Variants in WASHC2C observed in about 807,000 individuals in gnomAD.
WASHC2C encodes the protein WASH complex subunit 2C, also known as Vaccinia Penetration Factor.
Under a neutral mutation model 142.2 loss-of-function variants are expected in WASHC2C, and 73 were observed. The observed-to-expected ratio is 0.51, with a 90% CI of 0.43 to 0.62. WASHC2C has a LOEUF of 0.62. WASHC2C is among the 20% of genes least tolerant of loss of function. WASHC2C has a pLI of 0.00. For synonymous variants in WASHC2C, 337 were observed against 565.5 expected (o/e 0.60, Z 5.73); for missense variants, 969 against 1,531.7 (o/e 0.63, Z 6.13).
chr10:45,739,715 G>C lies in WASHC2C; in HGVS notation c.355-358G>C, dbSNP rs1383693011. 2.0e-5 allele frequency among the ~76,000 whole-genome samples: 3 copies of C among 152,038 alleles called. No homozygotes were observed. In the East Asian group the frequency reaches 5.8e-4, roughly 29 times the overall value. On this transcript the variant is annotated intron_variant, in intron 4 of 30. Transcript: ENST00000623400. ...TACCCAAGGGATAACCAGGGCTCGT[G>C]GGATAGTCATGGTGAGTCTGAGAGT...
At position 45,754,428 on chromosome 10, in the gene WASHC2C, A is replaced by G. The variant is rs561472050; in HGVS notation, c.1181-58A>G. On this transcript the variant is annotated intron_variant, in intron 13 of 30. Transcript: ENST00000623400. ...TACATTGCACGTATTTCAGGAAGAA[A>G]ATAGCAAGGAAAGTTATTTCCCTTG... 3.1e-6 allele frequency: 5 copies of G among 1,602,608 alleles called. No individual in the cohort carries two copies. In the East Asian group the frequency reaches 9.0e-5, roughly 29 times the overall value.
intron 21 of WASHC2C, among the ~76,000 whole-genome samples, 187 bp downstream of exon 21, chr10:45,773,545 C>T (rs1452507810): frequency 6.6e-6 from 1 of 152,294 alleles, no homozygotes; most frequent in East Asian, 1.9e-4. Context: ...ACGTGCAAAG[C>T]CATCATTCAG....
chr10:45,770,199 C>G (rs1406887630), intron 20 of WASHC2C, among the ~76,000 whole-genome samples: 78 of 150,004 alleles, frequency 5.2e-4, no homozygotes, highest in Non-Finnish European at 8.4e-4. Context: ...TGAGATGGCA[C>G]CACTGCACTC....
intron 21 of WASHC2C, among the ~76,000 whole-genome samples, chr10:45,775,214 C>T (rs2596948): frequency 1.3e-5 from 2 of 149,174 alleles, no homozygotes; most frequent in African/African-American, 5.0e-5. Context: ...TGACCAGGCA[C>T]GGTGGCTCAC....
At chr10:45,788,086 C>T (rs1317070546) in intron 28 of WASHC2C, among the ~76,000 whole-genome samples, 2 of 152,186 alleles carry the variant, frequency 1.3e-5, no homozygotes, top group Non-Finnish European at 2.9e-5. Flanking sequence ...AAACAGCCTT[C>T]CTTTTAACGA....
rs1233829150 is a variant in WASHC2C, at chr10:45,749,896, A to G, written c.733-200A>G. 5.0e-5 allele frequency among the ~76,000 whole-genome samples: 7 copies of G among 140,980 alleles called. No homozygotes were observed. The South Asian group carries it at 6.6e-4, about 13-fold the overall frequency. 92.5% of individuals were successfully genotyped at this position (140,980 alleles called of 152,430 possible). ...ATTTATATTTTATATATATTTTTATATATTTTTTTTCTTAGATTCAAAGTA... is the reference window on the plus strand; with the variant it reads ...ATTTATATTTTATATATATTTTTATGTATTTTTTTTCTTAGATTCAAAGTA... On this transcript the variant is annotated intron_variant, in intron 8 of 30. Transcript: ENST00000623400.
chr10:45,786,579 A>G lies in WASHC2C; in HGVS notation c.2812-33A>G, dbSNP rs782403567. 10 of 1,610,614 alleles carry G rather than the reference A, an allele frequency of 6.2e-6. 1 individual carries two copies. Among genetic ancestry groups the G allele is most frequent in the African/African-American group, 5.4e-5 (4 of 74,644 alleles). Reference sequence around the variant, plus strand: ...GAAACACTTGTCTTTCTGTTTCCCAAATGGATTTTTAACTGGATGTAATCT... The same window carrying G: ...GAAACACTTGTCTTTCTGTTTCCCAGATGGATTTTTAACTGGATGTAATCT... On this transcript the variant is annotated intron_variant, in intron 26 of 30. Coordinates refer to ENST00000623400, the MANE Select transcript of WASHC2C (RefSeq NM_001330074.2).
chr10:45,755,192 G>T, intron 15 of WASHC2C, 77 bp downstream of exon 15: 2 of 1,544,538 alleles, frequency 1.3e-6, no homozygotes, highest in South Asian at 2.4e-5. Context: ...AGCTCACCTA[G>T]TTCTGTATCT....
At chr10:45,737,783 T>G (rs1286242154) in intron 3 of WASHC2C, among the ~76,000 whole-genome samples, 200 bp from the exon 4 acceptor site, 14 of 151,462 alleles carry the variant, frequency 9.2e-5, no homozygotes, top group African/African-American at 3.4e-4. Flanking sequence ...TTTTTTTTTT[T>G]TTTTTGGTGA....
intron 7 of WASHC2C, among the ~76,000 whole-genome samples, chr10:45,745,851 T>C (rs1355036643): frequency 4.0e-5 from 6 of 151,050 alleles, no homozygotes; most frequent in African/African-American, 9.7e-5. Context: ...ACATGTGCCA[T>C]GCTGGTGCGC....
Position 45,788,754 on chromosome 10 carries a change from C to T in WASHC2C, c.3088-117C>T, listed in dbSNP as rs1245203506. 114 of 1,523,216 alleles carry T rather than the reference C, an allele frequency of 7.5e-5. No homozygotes were observed. In the South Asian group the frequency reaches 1.3e-3, roughly 17 times the overall value. The allele number at this position is 1,523,216 out of a possible 1,614,324, so 94.4% of individuals were successfully genotyped here. On this transcript the variant is annotated intron_variant, in intron 28 of 30. Coordinates refer to ENST00000623400, the MANE Select transcript of WASHC2C (RefSeq NM_001330074.2). ...CCTCTTCTATGTTCTTAGATAATAT[C>T]TTCATTGAAGTAGACCAGATAACCT...
At chr10:45,765,208 A>G (rs1412212338) in intron 18 of WASHC2C, among the ~76,000 whole-genome samples, 4 of 147,506 alleles carry the variant, frequency 2.7e-5, no homozygotes, top group Admixed American at 1.4e-4. Flanking sequence ...TCCCAGGTGT[A>G]TGTCTTTCTG....
chr10:45,752,729 C>T, intron 12 of WASHC2C, 23 bp downstream of exon 12: 1 of 1,602,388 alleles, frequency 6.2e-7, no homozygotes. Flanking sequence ...CACCCAGCAA[C>T]ACTCCCTGCA....
At chr10:45,753,366 C>A (rs3881624) in intron 13 of WASHC2C, 129 bp downstream of exon 13, 3 of 1,006,348 alleles carry the variant, frequency 3.0e-6, no homozygotes, top group Middle Eastern at 3.2e-4. Context: ...GTTTTTACTG[C>A]GGTCCAGTTG....
intron 17 of WASHC2C, among the ~76,000 whole-genome samples, chr10:45,759,793 T>C (rs1301406523): frequency 6.6e-6 from 1 of 152,180 alleles, no homozygotes; most frequent in Non-Finnish European, 1.5e-5. Context: ...CACTCCAGTC[T>C]AGGCGACAGA....
At chr10:45,741,039 C>T (rs1554867618) in intron 5 of WASHC2C, among the ~76,000 whole-genome samples, 1 of 151,736 alleles carries the variant, frequency 6.6e-6, no homozygotes, top group East Asian at 1.9e-4. Flanking sequence ...CCTCTGCCTC[C>T]CAGGTTCAAG....
chr10:45,789,400 A>G lies in WASHC2C; in HGVS notation c.3617A>G (p.Asp1206Gly). ...CCCTTTCCTCTCCTGGAAGATGAGG[A>G]TGACCTCTTTACAGATCAGAAAGTC... ...TNPFPLLEDE[D>G]DLFTDQKVKK... The change falls in exon 29 of 31, where the codon GAT (aspartate) becomes GGT (glycine). Residue 1206 changes from aspartate to glycine, a missense_variant. Asp to Gly is a moderately conservative substitution (Grantham distance 94, BLOSUM62 -1). Coordinates refer to ENST00000623400, the MANE Select transcript of WASHC2C (RefSeq NM_001330074.2). 1.9e-6 allele frequency: 3 copies of G among 1,612,076 alleles called. No homozygotes were observed. The highest frequency in any genetic ancestry group is 2.5e-6 in the Non-Finnish European group (3 of 1,179,872).
intron 21 of WASHC2C, among the ~76,000 whole-genome samples, chr10:45,775,676 T>C (rs1200948535): frequency 1.3e-5 from 2 of 150,394 alleles, no homozygotes; most frequent in Non-Finnish European, 3.0e-5. Context: ...ACTATTTGCA[T>C]TGAATTTTTT....
chr10:45,784,963 C>CGTCCA (rs2057920677), intron 25 of WASHC2C, 62 bp downstream of exon 25: 1 of 1,610,622 alleles, frequency 6.2e-7, no homozygotes, highest in African/African-American at 1.3e-5. Context: ...AGGAAACTAA[C>CGTCCA]GTCCAGTTAG....
Sources: allele counts gnomAD v4.1 joint callset (sites outside exome capture counted in the v4.1 genomes callset), GRCh38; gene constraint gnomAD v4.1.1; transcripts MANE v1.5; gene names NCBI Gene and HGNC (gene_info 2026-07-23, HGNC 2026-07-21).